MXI1: variants seen among roughly 807,000 people sequenced by gnomAD.
MXI1 encodes the protein MAX interactor 1, dimerization protein, also known as max-interacting protein 1.
Under a neutral mutation model 36.9 loss-of-function variants are expected in MXI1, and 18 were observed. The observed-to-expected ratio is 0.49, with a 90% confidence interval of 0.34 to 0.72. The LOEUF (loss-of-function observed/expected upper bound fraction) is 0.72, where lower values mean the gene tolerates loss of function less well. Ranked by LOEUF, MXI1 falls within the 30% of genes least tolerant of loss-of-function variation. The probability of loss-of-function intolerance (pLI) is 0.01; values close to 1 mark genes in which losing one functional copy is unlikely to be tolerated. For missense variants in MXI1, 304 were observed against 379.1 expected (o/e 0.80, Z 1.64); for synonymous variants, 160 against 146.7 (o/e 1.09, Z -0.65).
At chr10:110,280,671 T>G (rs989105265) in intron 5 of MXI1, among the ~76,000 whole-genome samples, 1 of 150,088 alleles carries the variant, frequency 6.7e-6, no homozygotes, top group Admixed American at 6.6e-5. Context: ...CAGAGTGAGG[T>G]TCCGTCTCAA....
At chr10:110,258,585 CTG>C (rs1278483521) in intron 3 of MXI1, among the ~76,000 whole-genome samples, 2 of 152,086 alleles carry the variant, frequency 1.3e-5, no homozygotes, top group Admixed American at 1.3e-4. Flanking sequence ...AATATTTTAA[CTG>C]TAATTTCTAT....
At chr10:110,215,395 A>G (rs1472366716) in intron 1 of MXI1, among the ~76,000 whole-genome samples, 1 of 152,172 alleles carries the variant, frequency 6.6e-6, no homozygotes, top group African/African-American at 2.4e-5. Context: ...GGCCAGAAGG[A>G]GCCCCAGAGG....
Position 110,253,952 on chromosome 10 carries a change from T to G in MXI1, c.437+9095T>G, listed in dbSNP as rs1019640554. 4.1e-4 allele frequency among the ~76,000 whole-genome samples: 63 copies of G among 152,022 alleles called. 1 individual carries two copies. The highest frequency in any genetic ancestry group is 3.1e-3 in the Admixed American group (47 of 15,250). ...AGATCAGAAATAAGGTTGTCAACTT[T>G]CATGACTTATACTCAACATTGTACT... On this transcript the variant is annotated intron_variant, in intron 3 of 5. Transcript: ENST00000332674.
At chr10:110,254,156 G>T (rs1184972853) in intron 3 of MXI1, among the ~76,000 whole-genome samples, 2 of 152,080 alleles carry the variant, frequency 1.3e-5, no homozygotes, top group African/African-American at 2.4e-5. Flanking sequence ...TGTCAAGCAG[G>T]TCAATTTCTA....
At chr10:110,254,344 T>C (rs765912804) in intron 3 of MXI1, among the ~76,000 whole-genome samples, 3 of 152,138 alleles carry the variant, frequency 2.0e-5, no homozygotes, top group Non-Finnish European at 4.4e-5. Flanking sequence ...ACTTAATAAA[T>C]GTTGTGTGTG....
intron 3 of MXI1, among the ~76,000 whole-genome samples, chr10:110,268,177 C>T (rs1459557011): frequency 2.0e-5 from 3 of 152,162 alleles, no homozygotes; most frequent in East Asian, 1.9e-4. Flanking sequence ...TGTTCCCCTC[C>T]ACCTGTCTCT....
chr10:110,222,227 G>C (rs1485667867), intron 1 of MXI1, among the ~76,000 whole-genome samples: 1 of 152,176 alleles, frequency 6.6e-6, no homozygotes, highest in Non-Finnish European at 1.5e-5. Context: ...CGTGTCCCCA[G>C]TGTTGATTAT....
At chr10:110,227,845 G>A in intron 1 of MXI1, 1 of 278,416 alleles carries the variant, frequency 3.6e-6, no homozygotes, top group Non-Finnish European at 7.1e-6. Flanking sequence ...GAAAGTAAAG[G>A]GGAATTTTTG....
chr10:110,278,973 A>G (rs1023375199), intron 3 of MXI1, among the ~76,000 whole-genome samples: 1 of 152,242 alleles, frequency 6.6e-6, no homozygotes, highest in East Asian at 1.9e-4. Context: ...ATAATAATCT[A>G]AAGTGAGTGT....
intron 1 of MXI1, chr10:110,227,601 C>A: frequency 2.1e-6 from 2 of 947,838 alleles, no homozygotes; most frequent in East Asian, 2.4e-4. Context: ...GGGGAAGGGA[C>A]GAGGCCGGGA....
At chr10:110,224,474 T>A (rs1854903209) in intron 1 of MXI1, among the ~76,000 whole-genome samples, 1 of 152,112 alleles carries the variant, frequency 6.6e-6, no homozygotes. Context: ...GGGATGCTCC[T>A]AAACATCCTG....
intron 1 of MXI1, 116 bp from the exon 2 acceptor site, chr10:110,228,072 AT>A: frequency 8.6e-7 from 1 of 1,158,866 alleles, no homozygotes; most frequent in Non-Finnish European, 1.2e-6. Context: ...GAGTGGAAAC[AT>A]TTTACCTCTT....
intron 1 of MXI1, among the ~76,000 whole-genome samples, chr10:110,210,910 C>A (rs1363372215): frequency 1.3e-5 from 2 of 152,184 alleles, no homozygotes; most frequent in Non-Finnish European, 1.5e-5. Context: ...GCTCTGCTTT[C>A]CGAAACGCTT....
chr10:110,242,993 T>TG (rs1855729161), intron 2 of MXI1, among the ~76,000 whole-genome samples: 1 of 151,976 alleles, frequency 6.6e-6, no homozygotes, highest in Admixed American at 6.6e-5. Flanking sequence ...TGCTCACCAG[T>TG]GGGGGTGGGG....
chr10:110,280,617 T>C (rs1011348930), intron 5 of MXI1, among the ~76,000 whole-genome samples: 5 of 151,788 alleles, frequency 3.3e-5, no homozygotes, highest in South Asian at 2.1e-4. Context: ...GAGGCGGAGC[T>C]TGCAGTGAGC....
intron 3 of MXI1, among the ~76,000 whole-genome samples, chr10:110,273,836 C>T (rs1856940236): frequency 6.6e-6 from 1 of 152,136 alleles, no homozygotes; most frequent in Non-Finnish European, 1.5e-5. Flanking sequence ...AATGAAGGAC[C>T]ATGCTTCCAA....
chr10:110,236,206 A>ACTATACTTTAT (rs1202503642), intron 2 of MXI1, among the ~76,000 whole-genome samples: 2 of 112,156 alleles, frequency 1.8e-5, no homozygotes, highest in East Asian at 5.7e-4. Flanking sequence ...TGTTGAAAAG[A>ACTATACTTTAT]CTATACTTTA....
chr10:110,225,770 T>G (rs746601909), intron 1 of MXI1, among the ~76,000 whole-genome samples: 2 of 152,092 alleles, frequency 1.3e-5, no homozygotes, highest in Non-Finnish European at 2.9e-5. Flanking sequence ...TCCCGCAACT[T>G]CTTAGTCTTC....
chr10:110,248,806 T>G (rs1156708650), intron 3 of MXI1, among the ~76,000 whole-genome samples: 2 of 152,172 alleles, frequency 1.3e-5, no homozygotes, highest in South Asian at 2.1e-4. Context: ...TGAAAGATGA[T>G]ATAGAATTAA....
Sources: gnomAD v4.1 joint callset for allele counts (sites outside exome capture counted in the v4.1 genomes callset) on GRCh38, gnomAD v4.1.1 for gene constraint, MANE v1.5 for transcripts, NCBI Gene and HGNC (gene_info 2026-07-23, HGNC 2026-07-21) for gene names.